Variants in KLHL32 observed in about 807,000 individuals in gnomAD.
KLHL32 encodes kelch-like protein 32.
Under a neutral mutation model 64.8 loss-of-function variants are expected in KLHL32, and 35 were observed. The observed-to-expected ratio is 0.54, with a 90% CI of 0.41 to 0.72. The LOEUF (loss-of-function observed/expected upper bound fraction) is 0.72. Ranked by LOEUF, KLHL32 falls within the 30% of genes least tolerant of loss-of-function variation. The pLI, the probability that KLHL32 is intolerant of heterozygous loss-of-function variation, is 0.00. For synonymous variants in KLHL32, 259 were observed against 281.0 expected (o/e 0.92, Z 0.78); for missense variants, 589 against 768.5 (o/e 0.77, Z 2.76).
chr6:97,097,514 A>G (rs1218795779), intron 6 of KLHL32, among the ~76,000 whole-genome samples: 1 of 152,100 alleles, frequency 6.6e-6, no homozygotes, highest in Non-Finnish European at 1.5e-5. Context: ...AATCATTGTC[A>G]TTTGGAGTTT....
At chr6:97,009,505 A>G (rs1780100418) in intron 3 of KLHL32, among the ~76,000 whole-genome samples, 1 of 152,174 alleles carries the variant, frequency 6.6e-6, no homozygotes, top group Non-Finnish European at 1.5e-5. Context: ...ACTTGTATAA[A>G]TGTACTTTGA....
chr6:96,980,572 G>T (rs559900933), intron 3 of KLHL32, among the ~76,000 whole-genome samples: 1 of 152,056 alleles, frequency 6.6e-6, no homozygotes, highest in Admixed American at 6.6e-5. Flanking sequence ...CTAGTATTTT[G>T]TTGTGGATTT....
intron 7 of KLHL32, among the ~76,000 whole-genome samples, chr6:97,120,663 G>C (rs1485727543): frequency 6.6e-6 from 1 of 152,212 alleles, no homozygotes; most frequent in Admixed American, 6.5e-5. Flanking sequence ...AGGGAGAAAA[G>C]TGTGTGTTGC....
chr6:96,933,463 C>G (rs1582384162), intron 1 of KLHL32, among the ~76,000 whole-genome samples: 1 of 152,190 alleles, frequency 6.6e-6, no homozygotes. Flanking sequence ...GACTTCTTGC[C>G]TCTCAACATT....
At chr6:97,105,325 G>T (rs1796260357) in intron 6 of KLHL32, 1 of 401,702 alleles carries the variant, frequency 2.5e-6, no homozygotes, top group Non-Finnish European at 5.1e-6. Context: ...CGCTTTCCTG[G>T]CTTCCTACTT....
At chr6:96,928,848 C>T (rs576253333) in intron 1 of KLHL32, among the ~76,000 whole-genome samples, 2 of 151,740 alleles carry the variant, frequency 1.3e-5, no homozygotes, top group South Asian at 4.2e-4. Flanking sequence ...TAAGGAGGCT[C>T]TTACAGATAC....
intron 3 of KLHL32, among the ~76,000 whole-genome samples, chr6:97,015,619 T>A (rs573267779): frequency 8.5e-5 from 13 of 152,264 alleles, no homozygotes; most frequent in African/African-American, 2.9e-4. Context: ...AGCATAAAAG[T>A]TTGGAAAATT....
chr6:96,926,274 T>A (rs901372524), intron 1 of KLHL32, among the ~76,000 whole-genome samples: 1 of 152,226 alleles, frequency 6.6e-6, no homozygotes, highest in Admixed American at 6.5e-5. Context: ...ATTCTTCTAA[T>A]TTAGATTTTA....
intron 2 of KLHL32, among the ~76,000 whole-genome samples, chr6:96,971,800 G>A (rs563279887): frequency 6.6e-6 from 1 of 152,104 alleles, no homozygotes; most frequent in Non-Finnish European, 1.5e-5. Flanking sequence ...ATAATGAGAA[G>A]CATATCTATA....
chr6:97,060,081 T>C (rs1187376355), intron 4 of KLHL32, among the ~76,000 whole-genome samples: 2 of 152,200 alleles, frequency 1.3e-5, no homozygotes, highest in Admixed American at 1.3e-4. Flanking sequence ...AGTTGTCTGA[T>C]TTTAACATGC....
chr6:96,940,134 C>T (rs1272956399), intron 1 of KLHL32, among the ~76,000 whole-genome samples: 4 of 152,182 alleles, frequency 2.6e-5, no homozygotes, highest in East Asian at 3.9e-4. Context: ...AGTACTAATC[C>T]ATACAACTGT....
chr6:97,137,015 G>A (rs1332620465), intron 10 of KLHL32, among the ~76,000 whole-genome samples: 1 of 152,018 alleles, frequency 6.6e-6, no homozygotes, highest in Non-Finnish European at 1.5e-5. Context: ...AATTTTTTCC[G>A]GTATCAATTT....
intron 3 of KLHL32, among the ~76,000 whole-genome samples, chr6:96,979,825 G>A (rs534225805): frequency 2.5e-4 from 38 of 151,904 alleles, no homozygotes; most frequent in Non-Finnish European, 4.0e-4. Flanking sequence ...TGGTATCATC[G>A]CTAATTTCAA....
At chr6:97,014,865 G>A (rs1780927698) in intron 3 of KLHL32, among the ~76,000 whole-genome samples, 1 of 152,158 alleles carries the variant, frequency 6.6e-6, no homozygotes, top group Admixed American at 6.5e-5. Context: ...TTGTGATATG[G>A]TTAGGCTCTG....
intron 3 of KLHL32, among the ~76,000 whole-genome samples, chr6:97,001,222 A>G (rs1055351978): frequency 1.3e-5 from 2 of 152,192 alleles, no homozygotes; most frequent in African/African-American, 2.4e-5. Context: ...CAATTTTACC[A>G]TACTGGTGGG....
At chr6:96,928,705 A>G (rs1769477159) in intron 1 of KLHL32, among the ~76,000 whole-genome samples, 1 of 152,218 alleles carries the variant, frequency 6.6e-6, no homozygotes, top group South Asian at 2.1e-4. Flanking sequence ...CTATAGAAAA[A>G]GCATACACGT....
chr6:97,051,056 A>G (rs1283708060), intron 4 of KLHL32, among the ~76,000 whole-genome samples: 1 of 152,190 alleles, frequency 6.6e-6, no homozygotes, highest in Non-Finnish European at 1.5e-5. Flanking sequence ...ATATTCTTAC[A>G]GCATTTATAA....
At chr6:96,904,501 G>A in the KLHL32 span, among the ~76,000 whole-genome samples, 1 of 152,014 alleles carries the variant, frequency 6.6e-6, no homozygotes, top group African/African-American at 2.4e-5. Flanking sequence ...AGAACATAAA[G>A]AAACACACAT....
At chr6:96,952,009 G>A (rs1772685981) in intron 1 of KLHL32, among the ~76,000 whole-genome samples, 2 of 152,130 alleles carry the variant, frequency 1.3e-5, no homozygotes, top group Non-Finnish European at 2.9e-5. Flanking sequence ...GTTTTTTCCA[G>A]GTACTTTGGA....
Sources: allele counts gnomAD v4.1 joint callset (sites outside exome capture counted in the v4.1 genomes callset), GRCh38; gene constraint gnomAD v4.1.1; transcripts MANE v1.5; gene names NCBI Gene and HGNC (gene_info 2026-07-23, HGNC 2026-07-21).